LRRC37A2: variants seen among roughly 807,000 people sequenced by gnomAD.
LRRC37A2 encodes leucine rich repeat containing 37 member A2, also known as leucine-rich repeat-containing protein 37A2.
Under a neutral mutation model 68.8 loss-of-function variants are expected in LRRC37A2, and 9 were observed. The ratio of observed to expected loss-of-function variants is 0.13; its 90% CI spans 0.08 to 0.23. LRRC37A2 has a LOEUF of 0.23. Ranked by LOEUF, LRRC37A2 falls within the 10% of genes least tolerant of loss-of-function variation. The pLI, the probability that LRRC37A2 is intolerant of heterozygous loss-of-function variation, is 1.00. For missense variants in LRRC37A2, 168 were observed against 950.4 expected (o/e 0.18, Z 10.82); for synonymous variants, 63 against 367.6 (o/e 0.17, Z 9.48).
At chr17:46,877,333 T>C in the LRRC37A2 span, among the ~76,000 whole-genome samples, 2 of 152,182 alleles carry the variant, frequency 1.3e-5, no homozygotes, top group East Asian at 1.9e-4. Context: ...TGTGCTTGAG[T>C]GGACCCGAGT....
At chr17:46,730,089 T>C in the LRRC37A2 span, among the ~76,000 whole-genome samples, 23 of 152,250 alleles carry the variant, frequency 1.5e-4, no homozygotes, top group Admixed American at 1.4e-3. Context: ...ATATCTAAAG[T>C]TGCTGAAACA....
At chr17:46,835,232 G>C in the LRRC37A2 span, among the ~76,000 whole-genome samples, 1 of 151,586 alleles carries the variant, frequency 6.6e-6, no homozygotes, top group Non-Finnish European at 1.5e-5. Context: ...TCTTTTTTGA[G>C]ACAGAGTCTC....
the LRRC37A2 span, among the ~76,000 whole-genome samples, chr17:46,657,231 G>A: frequency 1.0e-5 from 1 of 99,784 alleles, no homozygotes; most frequent in Non-Finnish European, 2.2e-5. Context: ...GAATCAAAAA[G>A]GATTCACAAG....
chr17:46,762,460 T>A, the LRRC37A2 span: 1 of 151,970 alleles, frequency 6.6e-6, no homozygotes, highest in Non-Finnish European at 1.5e-5. Flanking sequence ...ATCCTTGACC[T>A]CCTGAGCATT....
At chr17:46,553,372 A>C (rs770812356) in intron 11 of LRRC37A2, 28 bp from the exon 11 acceptor site, 1 of 1,609,452 alleles carries the variant, frequency 6.2e-7, no homozygotes, top group South Asian at 1.1e-5. Context: ...GTCATAGATA[A>C]TCTTAATTGC....
the LRRC37A2 span, among the ~76,000 whole-genome samples, chr17:46,480,072 A>G: frequency 3.0e-5 from 3 of 100,230 alleles, no homozygotes; most frequent in Admixed American, 9.7e-5. Context: ...GCTCACTGCA[A>G]GCTCCACCTT....
chr17:47,020,974 T>C, the LRRC37A2 span, among the ~76,000 whole-genome samples: 2 of 151,886 alleles, frequency 1.3e-5, no homozygotes, highest in African/African-American at 2.4e-5. Flanking sequence ...AGAGTAGCTA[T>C]AATTTGTTAA....
the LRRC37A2 span, among the ~76,000 whole-genome samples, chr17:46,863,089 C>T: frequency 2.0e-5 from 3 of 148,210 alleles, no homozygotes; most frequent in Admixed American, 1.4e-4. Context: ...GGAGAGCATA[C>T]GCCAGCAATC....
chr17:46,933,827 G>A, the LRRC37A2 span, among the ~76,000 whole-genome samples: 1 of 151,892 alleles, frequency 6.6e-6, no homozygotes, highest in African/African-American at 2.4e-5. Context: ...AGCCGGGCGT[G>A]GTGGCGTGAG....
chr17:46,739,540 G>GA, the LRRC37A2 span, among the ~76,000 whole-genome samples: 17 of 151,396 alleles, frequency 1.1e-4, no homozygotes, highest in Admixed American at 5.9e-4. Context: ...ACCTTGTCTC[G>GA]AAAAAAACAC....
the LRRC37A2 span, among the ~76,000 whole-genome samples, chr17:47,034,028 C>T: frequency 6.6e-6 from 1 of 152,234 alleles, no homozygotes; most frequent in East Asian, 1.9e-4. Flanking sequence ...AAATGATCAT[C>T]TACTGTGAAT....
At chr17:46,753,524 C>T in the LRRC37A2 span, among the ~76,000 whole-genome samples, 73 of 152,088 alleles carry the variant, frequency 4.8e-4, no homozygotes, top group Admixed American at 1.8e-3. Flanking sequence ...GGTAAAAGTG[C>T]AAATACAGGT....
chr17:47,036,392 G>A, the LRRC37A2 span, among the ~76,000 whole-genome samples: 1 of 151,984 alleles, frequency 6.6e-6, no homozygotes, highest in African/African-American at 2.4e-5. Context: ...AATCCAGTTT[G>A]GAGAAGAAAA....
At chr17:46,501,000 T>C in the LRRC37A2 span, among the ~76,000 whole-genome samples, 2 of 151,154 alleles carry the variant, frequency 1.3e-5, no homozygotes, top group African/African-American at 4.9e-5. Context: ...GCTAACATGG[T>C]GAGACCCCGT....
At chr17:46,876,271 G>C in the LRRC37A2 span, 1 of 1,612,876 alleles carries the variant, frequency 6.2e-7, no homozygotes, top group Admixed American at 1.7e-5. Context: ...TCAGGACCAC[G>C]TGTAAGTGCC....
the LRRC37A2 span, among the ~76,000 whole-genome samples, chr17:46,822,088 G>A: frequency 1.4e-4 from 22 of 152,250 alleles, no homozygotes; most frequent in Non-Finnish European, 2.8e-4. Context: ...AGCAGGTGGG[G>A]AAGTGCGAAG....
At chr17:46,929,552 G>A in the LRRC37A2 span, 4 of 1,568,994 alleles carry the variant, frequency 2.5e-6, no homozygotes, top group East Asian at 2.2e-5. Flanking sequence ...TGCATGGGAC[G>A]CCTGGAGACG....
chr17:46,938,321 T>C, the LRRC37A2 span, among the ~76,000 whole-genome samples: 2 of 152,238 alleles, frequency 1.3e-5, no homozygotes, highest in African/African-American at 2.4e-5. Flanking sequence ...GAGAGATACA[T>C]ATATATAAAA....
chr17:46,997,694 G>A, the LRRC37A2 span, among the ~76,000 whole-genome samples: 1 of 152,220 alleles, frequency 6.6e-6, no homozygotes, highest in Non-Finnish European at 1.5e-5. Context: ...GGAAGGCTAG[G>A]TGTGGTGGCT....
Sources: gnomAD v4.1 joint callset for allele counts (sites outside exome capture counted in the v4.1 genomes callset) on GRCh38, gnomAD v4.1.1 for gene constraint, MANE v1.5 for transcripts, NCBI Gene and HGNC (gene_info 2026-07-23, HGNC 2026-07-21) for gene names.